The following CACNA2D3 variants were observed in gnomAD, a reference collection of about 807,000 sequenced individuals.
CACNA2D3 encodes the protein calcium voltage-gated channel auxiliary subunit alpha2delta 3.
A neutral mutation model predicts 160.6 loss-of-function variants in CACNA2D3; 60 were observed. That is an observed-to-expected ratio of 0.37 (90% CI 0.30 to 0.46). CACNA2D3 has a LOEUF of 0.46. CACNA2D3 is among the 20% of genes least tolerant of loss of function. The pLI is 1.00. For missense variants in CACNA2D3, 1,205 were observed against 1,365.0 expected, an observed-to-expected ratio of 0.88 and a Z score of 1.85; for synonymous variants, 558 against 492.9, an observed-to-expected ratio of 1.13 and a Z score of -1.75.
intron 3 of CACNA2D3, among the ~76,000 whole-genome samples, chr3:54,369,894 C>T (rs760369252): frequency 4.6e-5 from 7 of 152,326 alleles, no homozygotes; most frequent in Admixed American, 1.3e-4. Flanking sequence ...CAAATTCCTA[C>T]AGTGCAGACT....
At chr3:54,499,926 T>G (rs1701261774) in intron 4 of CACNA2D3, among the ~76,000 whole-genome samples, 1 of 152,192 alleles carries the variant, frequency 6.6e-6, no homozygotes, top group Admixed American at 6.5e-5. Context: ...GTATTGTTCA[T>G]TTCAACTGTA....
At chr3:54,924,926 G>A (rs772802954) in intron 27 of CACNA2D3, 1 of 1,612,932 alleles carries the variant, frequency 6.2e-7, no homozygotes, top group Non-Finnish European at 8.5e-7. Context: ...AAACCTGCAA[G>A]TGCTGAAGCC....
intron 3 of CACNA2D3, among the ~76,000 whole-genome samples, chr3:54,363,354 G>A (rs1012533433): frequency 6.6e-6 from 1 of 152,150 alleles, no homozygotes; most frequent in African/African-American, 2.4e-5. Flanking sequence ...GTGTCCTGAT[G>A]TCAAGCAGTT....
At chr3:54,375,400 C>T (rs1311257058) in intron 3 of CACNA2D3, among the ~76,000 whole-genome samples, 1 of 152,066 alleles carries the variant, frequency 6.6e-6, no homozygotes, top group Non-Finnish European at 1.5e-5. Context: ...TAGCCATATT[C>T]TCAGTGCTGC....
chr3:54,674,911 G>A (rs1345930035), intron 11 of CACNA2D3, among the ~76,000 whole-genome samples: 1 of 152,124 alleles, frequency 6.6e-6, no homozygotes, highest in Non-Finnish European at 1.5e-5. Flanking sequence ...GAGAGAGATG[G>A]TGTTAAGGAG....
At chr3:55,062,324 G>A (rs1704533217) in intron 35 of CACNA2D3, among the ~76,000 whole-genome samples, 1 of 149,098 alleles carries the variant, frequency 6.7e-6, no homozygotes, top group Non-Finnish European at 1.5e-5. Flanking sequence ...AAGTTTCCCA[G>A]GCTGGTCTCA....
intron 4 of CACNA2D3, among the ~76,000 whole-genome samples, chr3:54,465,902 A>T (rs139270096): frequency 6.6e-6 from 1 of 152,294 alleles, no homozygotes; most frequent in East Asian, 1.9e-4. Flanking sequence ...GAGATCTGGA[A>T]AGATTGACTT....
intron 31 of CACNA2D3, among the ~76,000 whole-genome samples, chr3:54,991,550 T>A (rs1296702217): frequency 6.6e-6 from 1 of 152,140 alleles, no homozygotes; most frequent in Non-Finnish European, 1.5e-5. Flanking sequence ...GAAAATCTAG[T>A]CTCAAAATCC....
chr3:55,074,053 G>GGAAAGTTGA (rs1182823435), intron 37 of CACNA2D3, 61 bp from the exon 38 acceptor site: 1 of 1,396,718 alleles, frequency 7.2e-7, no homozygotes, highest in East Asian at 2.3e-5. Context: ...AGAGGTCTGG[G>GGAAAGTTGA]GAAAGTTGAA....
chr3:54,952,019 T>A (rs2107018496), intron 27 of CACNA2D3, among the ~76,000 whole-genome samples: 1 of 152,216 alleles, frequency 6.6e-6, no homozygotes, highest in Non-Finnish European at 1.5e-5. Context: ...TGGCTAATTT[T>A]TGTCTTTTTA....
chr3:54,801,343 C>A (rs974994058), intron 13 of CACNA2D3, among the ~76,000 whole-genome samples: 5 of 152,014 alleles, frequency 3.3e-5, no homozygotes, highest in Admixed American at 1.3e-4. Flanking sequence ...CAATGAACAT[C>A]AGAAAGAGAG....
At chr3:54,717,057 G>A (rs1253777377) in intron 11 of CACNA2D3, among the ~76,000 whole-genome samples, 3 of 151,892 alleles carry the variant, frequency 2.0e-5, no homozygotes, top group Admixed American at 2.0e-4. Context: ...CTATCTCCAT[G>A]GGTTAGTTTT....
intron 9 of CACNA2D3, among the ~76,000 whole-genome samples, chr3:54,625,068 G>T (rs1258755878): frequency 6.6e-6 from 1 of 152,224 alleles, no homozygotes; most frequent in African/African-American, 2.4e-5. Context: ...GAACTGGGCA[G>T]AAAGAAAAGA....
At chr3:54,648,539 C>T (rs1444786384) in intron 11 of CACNA2D3, among the ~76,000 whole-genome samples, 2 of 152,232 alleles carry the variant, frequency 1.3e-5, no homozygotes, top group East Asian at 3.8e-4. Flanking sequence ...TTTCATGGCT[C>T]TGCTGAATTC....
At chr3:54,924,665 G>C in intron 27 of CACNA2D3, 1 of 1,614,080 alleles carries the variant, frequency 6.2e-7, no homozygotes, top group Non-Finnish European at 8.5e-7. Flanking sequence ...CGAGCAAGTG[G>C]CAATTGCATT....
At chr3:54,946,742 TC>T (rs1217421780) in intron 27 of CACNA2D3, among the ~76,000 whole-genome samples, 1 of 151,492 alleles carries the variant, frequency 6.6e-6, no homozygotes, top group East Asian at 2.0e-4. Flanking sequence ...AAGAATCCAA[TC>T]CTTTCTTAAA....
chr3:54,889,802 C>T (rs1485768913), intron 24 of CACNA2D3, among the ~76,000 whole-genome samples: 1 of 152,172 alleles, frequency 6.6e-6, no homozygotes, highest in Non-Finnish European at 1.5e-5. Flanking sequence ...TGAGCCTTTC[C>T]TGGGGTTTCT....
At chr3:54,641,411 G>A (rs1699517020) in intron 10 of CACNA2D3, among the ~76,000 whole-genome samples, 1 of 152,152 alleles carries the variant, frequency 6.6e-6, no homozygotes, top group South Asian at 2.1e-4. Flanking sequence ...TGGAAGCCAG[G>A]GTTTTGTTAT....
At chr3:54,348,204 C>T (rs1391376943) in intron 3 of CACNA2D3, among the ~76,000 whole-genome samples, 1 of 152,160 alleles carries the variant, frequency 6.6e-6, no homozygotes, top group Non-Finnish European at 1.5e-5. Flanking sequence ...CCCTTTGCTG[C>T]CCTTTGAATG....
Sources: allele counts gnomAD v4.1 joint callset (sites outside exome capture counted in the v4.1 genomes callset), GRCh38; gene constraint gnomAD v4.1.1; transcripts MANE v1.5; gene names NCBI Gene and HGNC (gene_info 2026-07-23, HGNC 2026-07-21).